The following CD2AP variants were observed in gnomAD, a reference collection of about 807,000 sequenced individuals.
CD2AP encodes CD2 associated protein.
In CD2AP, 46 loss-of-function variants were observed where a neutral mutation model predicts 85.1. The observed-to-expected ratio is 0.54, with a 90% confidence interval of 0.43 to 0.69. The LOEUF is 0.69. Ranked by LOEUF, CD2AP falls within the 30% of genes least tolerant of loss-of-function variation. The pLI, the probability that CD2AP is intolerant of heterozygous loss-of-function variation, is 0.00. For missense variants in CD2AP, 769 were observed against 729.5 expected, an observed-to-expected ratio of 1.05 and a Z score of -0.62; for synonymous variants, 255 against 252.9, an observed-to-expected ratio of 1.01 and a Z score of -0.08.
intron 4 of CD2AP, 60 bp downstream of exon 4, chr6:47,544,766 A>G (rs150663215): frequency 1.0e-6 from 1 of 994,930 alleles, no homozygotes; most frequent in African/African-American, 1.6e-5. Flanking sequence ...TGGATTTTAG[A>G]AAAATTAATT....
At position 47,478,173 on chromosome 6, in the gene CD2AP, G is replaced by A; in HGVS notation, c.-72G>A. ...GGGTCCCGCCTCCAGCCGCGGGAGC[G>A]GCCGCGCGAGCCACCACTGGAGGAG... On this transcript the variant is annotated 5_prime_UTR_variant, in exon 1 of 18. Coordinates refer to ENST00000359314, the MANE Select transcript of CD2AP (RefSeq NM_012120.3). The A allele has an allele frequency of 6.5e-7, 1 of 1,544,944 alleles. No homozygotes were observed. The highest frequency in any genetic ancestry group is 8.8e-7 in the Non-Finnish European group (1 of 1,142,850).
rs1769665460 is a variant in CD2AP, at chr6:47,618,736, TAA to T, written c.1879-5446_1879-5445del. Among the ~76,000 whole-genome samples the T allele has an allele frequency of 2.6e-5, 4 of 152,326 alleles. No individual in the cohort carries two copies. In the South Asian group the frequency reaches 8.3e-4, roughly 32 times the overall value. On this transcript the variant is annotated intron_variant, in intron 17 of 17. Coordinates refer to ENST00000359314, the MANE Select transcript of CD2AP (RefSeq NM_012120.3). ...TTTGTATATCTGACTTAATTTGCCATAAAAATTATGACAAGAGTCAAATTGTT... is the reference window on the plus strand; with the variant it reads ...TTTGTATATCTGACTTAATTTGCCATAAATTATGACAAGAGTCAAATTGTT...
chr6:47,601,530 T>C (rs79438215), intron 13 of CD2AP, among the ~76,000 whole-genome samples: 2,374 of 152,074 alleles, frequency 0.016, 44 homozygotes, highest in African/African-American at 0.038. Flanking sequence ...CTCAGTCGTG[T>C]TTTAGGCACA....
At chr6:47,569,040 CAA>C (rs968906216) in intron 5 of CD2AP, among the ~76,000 whole-genome samples, 18 of 152,196 alleles carry the variant, frequency 1.2e-4, no homozygotes, top group African/African-American at 4.1e-4. Context: ...AGGACCTAGA[CAA>C]GAGCAGTTTT....
chr6:47,520,008 A>G (rs1289394309), intron 2 of CD2AP, among the ~76,000 whole-genome samples: 2 of 152,204 alleles, frequency 1.3e-5, no homozygotes, highest in Non-Finnish European at 2.9e-5. Flanking sequence ...TATAAGTTCT[A>G]ACTTCTTAGG....
At chr6:47,615,800 T>A (rs573809541) in intron 17 of CD2AP, among the ~76,000 whole-genome samples, 3,248 of 144,982 alleles carry the variant, frequency 0.022, 77 homozygotes, top group African/African-American at 0.06. Flanking sequence ...TTAATTTATT[T>A]ATTTATTTAT....
chr6:47,589,565 C>CATATATATATATATATATATATATATAT (rs1554182282), intron 11 of CD2AP, among the ~76,000 whole-genome samples: 49 of 120,956 alleles, frequency 4.1e-4, no homozygotes, highest in African/African-American at 1.4e-3. Context: ...CACACACACA[C>CATATATATATATATATATATATATATAT]ATATATATAT....
At chr6:47,618,017 C>G (rs1452951313) in intron 17 of CD2AP, among the ~76,000 whole-genome samples, 1 of 152,162 alleles carries the variant, frequency 6.6e-6, no homozygotes, top group Admixed American at 6.5e-5. Flanking sequence ...TAGTCTGTCT[C>G]TGATTAAAAG....
chr6:47,524,595 G>A (rs1487905372), intron 2 of CD2AP, among the ~76,000 whole-genome samples: 1 of 124,752 alleles, frequency 8.0e-6, no homozygotes, highest in Admixed American at 7.9e-5. Context: ...TGAGTAAAGA[G>A]AAAAGTTCTT....
chr6:47,577,784 T>C (rs1033333780), intron 8 of CD2AP, among the ~76,000 whole-genome samples: 6 of 152,022 alleles, frequency 3.9e-5, no homozygotes, highest in Non-Finnish European at 8.8e-5. Context: ...TGCTATGTTG[T>C]CCAGGCTGGT....
intron 5 of CD2AP, among the ~76,000 whole-genome samples, chr6:47,560,931 T>C (rs1422680359): frequency 6.6e-6 from 1 of 152,184 alleles, no homozygotes; most frequent in Non-Finnish European, 1.5e-5. Flanking sequence ...ATCCCTTCTA[T>C]GTGTATTACT....
intron 12 of CD2AP, among the ~76,000 whole-genome samples, chr6:47,598,268 G>T (rs1368088076): frequency 6.6e-6 from 1 of 150,930 alleles, no homozygotes; most frequent in Admixed American, 6.6e-5. Context: ...TAGCATGGAT[G>T]CAGTGAAAAG....
chr6:47,582,598 G>A (rs1768509258), intron 11 of CD2AP, among the ~76,000 whole-genome samples: 1 of 152,060 alleles, frequency 6.6e-6, no homozygotes, highest in African/African-American at 2.4e-5. Flanking sequence ...TAGTAGATTA[G>A]TTTATATACA....
At chr6:47,543,148 C>CAAAAAA (rs11338409) in intron 3 of CD2AP, among the ~76,000 whole-genome samples, 221 of 60,044 alleles carry the variant, frequency 3.7e-3, no homozygotes, top group African/African-American at 5.7e-3. Context: ...AAGACTGTCT[C>CAAAAAA]AAAAAAAAAA....
chr6:47,580,565 A>C (rs1034451996), intron 9 of CD2AP, among the ~76,000 whole-genome samples: 2 of 152,118 alleles, frequency 1.3e-5, no homozygotes, highest in African/African-American at 4.8e-5. Context: ...ATCTTAACCT[A>C]GGGGAGGCAG....
intron 6 of CD2AP, among the ~76,000 whole-genome samples, chr6:47,575,643 T>A (rs1044481676): frequency 2.0e-5 from 3 of 152,202 alleles, no homozygotes; most frequent in Non-Finnish European, 4.4e-5. Flanking sequence ...TGTGTTCAGA[T>A]TTTTAAATAA....
chr6:47,560,225 A>G (rs1343762994), intron 5 of CD2AP, among the ~76,000 whole-genome samples: 1 of 152,112 alleles, frequency 6.6e-6, no homozygotes, highest in African/African-American at 2.4e-5. Flanking sequence ...AGATATCTGT[A>G]TTTTATCTTT....
chr6:47,537,471 T>A (rs1214102534), intron 3 of CD2AP, among the ~76,000 whole-genome samples: 2 of 152,148 alleles, frequency 1.3e-5, no homozygotes, highest in Non-Finnish European at 2.9e-5. Flanking sequence ...TGGAAAATTT[T>A]AAAATATCTG....
At position 47,577,120 on chromosome 6, in the gene CD2AP, T is replaced by G. The variant is rs1768336444; in HGVS notation, c.903+17T>G. 7 of 1,187,786 alleles carry G rather than the reference T, an allele frequency of 5.9e-6. No homozygotes were observed. Among genetic ancestry groups the G allele is most frequent in the African/African-American group, 1.5e-5 (1 of 66,654 alleles). 73.6% of individuals were successfully genotyped at this position (1,187,786 alleles called of 1,614,324 possible). A position where few individuals can be genotyped will look rare whatever the true frequency, so the allele number is the denominator to read the frequency against. ...ATAAGTAAGGTAAGGTGTTTCTGTT[T>G]TTCAGTGAATTGCTTAATTTATTTA... is the stretch of plus-strand genomic sequence containing the variant. On this transcript the variant is annotated intron_variant, in intron 8 of 17. Transcript: ENST00000359314.
Sources: allele counts gnomAD v4.1 joint callset (sites outside exome capture counted in the v4.1 genomes callset), GRCh38; gene constraint gnomAD v4.1.1; transcripts MANE v1.5; gene names NCBI Gene and HGNC (gene_info 2026-07-23, HGNC 2026-07-21).